ZNF385D: variants seen among roughly 807,000 people sequenced by gnomAD.
The protein encoded by ZNF385D is zinc finger protein 659.
Under a neutral mutation model 35.8 loss-of-function variants are expected in ZNF385D, and 15 were observed. That is an observed-to-expected ratio of 0.42 (90% CI 0.28 to 0.64). The LOEUF is 0.64. ZNF385D is among the 30% of genes least tolerant of loss of function. The pLI, the probability that ZNF385D is intolerant of heterozygous loss-of-function variation, is 0.23. For synonymous variants in ZNF385D, 212 were observed against 186.8 expected (o/e 1.13, Z -1.10); for missense variants, 474 against 494.6 (o/e 0.96, Z 0.39).
chr3:21,850,605 A>G (rs146697987), intron 3 of ZNF385D, among the ~76,000 whole-genome samples: 9 of 152,134 alleles, frequency 5.9e-5, no homozygotes, highest in African/African-American at 2.2e-4. Flanking sequence ...CCAAGCCAGA[A>G]AAGATCAATT....
At chr3:22,136,272 C>A (rs141485647) in intron 3 of ZNF385D, among the ~76,000 whole-genome samples, 1 of 152,118 alleles carries the variant, frequency 6.6e-6, no homozygotes, top group Non-Finnish European at 1.5e-5. Context: ...CCTGTAGTCC[C>A]AGCTACTCGG....
At chr3:22,272,359 T>C (rs528896441) in intron 2 of ZNF385D, among the ~76,000 whole-genome samples, 1 of 152,116 alleles carries the variant, frequency 6.6e-6, no homozygotes, top group East Asian at 1.9e-4. Flanking sequence ...TTCTAAATTC[T>C]AAACTTAGAA....
chr3:22,159,279 A>C (rs1473279320), intron 3 of ZNF385D, among the ~76,000 whole-genome samples: 2 of 152,130 alleles, frequency 1.3e-5, no homozygotes, highest in Non-Finnish European at 2.9e-5. Flanking sequence ...TATCTCAAAT[A>C]GATTATATTT....
chr3:22,137,333 C>A (rs1367881445), intron 3 of ZNF385D, among the ~76,000 whole-genome samples: 1 of 152,120 alleles, frequency 6.6e-6, no homozygotes, highest in East Asian at 1.9e-4. Context: ...AGGCCAGCAT[C>A]ATCCTGATAC....
chr3:22,286,757 C>T (rs1247136751), intron 2 of ZNF385D, among the ~76,000 whole-genome samples: 1 of 152,080 alleles, frequency 6.6e-6, no homozygotes, highest in East Asian at 1.9e-4. Flanking sequence ...AAAGATACTT[C>T]ACAAAGAAAT....
intron 3 of ZNF385D, among the ~76,000 whole-genome samples, chr3:21,760,170 T>C (rs577872919): frequency 6.6e-6 from 1 of 152,338 alleles, no homozygotes; most frequent in South Asian, 2.1e-4. Context: ...TCTGATCCTT[T>C]TGGTGGATAA....
At chr3:21,786,987 T>C (rs982162797) in intron 3 of ZNF385D, among the ~76,000 whole-genome samples, 2 of 152,340 alleles carry the variant, frequency 1.3e-5, no homozygotes, top group African/African-American at 4.8e-5. Context: ...CACGTGTTTA[T>C]CTTCATTCTT....
intron 3 of ZNF385D, among the ~76,000 whole-genome samples, chr3:21,555,663 G>A (rs756501912): frequency 2.0e-5 from 3 of 152,084 alleles, no homozygotes; most frequent in Non-Finnish European, 2.9e-5. Context: ...GAATAGTGCC[G>A]CAGTAAACAT....
At chr3:21,596,907 A>G (rs2064143910) in intron 2 of ZNF385D, among the ~76,000 whole-genome samples, 1 of 152,146 alleles carries the variant, frequency 6.6e-6, no homozygotes, top group Non-Finnish European at 1.5e-5. Flanking sequence ...GGTCTTCATG[A>G]CATTCCTTGG....
At chr3:22,225,789 A>G (rs1027378396) in intron 2 of ZNF385D, among the ~76,000 whole-genome samples, 4 of 152,152 alleles carry the variant, frequency 2.6e-5, no homozygotes, top group African/African-American at 9.7e-5. Context: ...AAATTTTTAC[A>G]CTCATCTCAG....
At chr3:22,030,869 G>C (rs116316281) in intron 3 of ZNF385D, among the ~76,000 whole-genome samples, 1 of 152,164 alleles carries the variant, frequency 6.6e-6, no homozygotes, top group Non-Finnish European at 1.5e-5. Context: ...AAACAAGTTA[G>C]TTATTTCCAA....
intron 3 of ZNF385D, among the ~76,000 whole-genome samples, chr3:21,871,918 A>C (rs2125848101): frequency 6.6e-6 from 1 of 152,010 alleles, no homozygotes; most frequent in Admixed American, 6.6e-5. Context: ...AATCACTTGA[A>C]CCCAGGAGGT....
intron 3 of ZNF385D, among the ~76,000 whole-genome samples, chr3:21,552,492 G>A (rs1044947307): frequency 6.6e-6 from 1 of 152,086 alleles, no homozygotes; most frequent in Non-Finnish European, 1.5e-5. Context: ...TGATTGTTTG[G>A]TTTGTAAAAC....
At chr3:21,636,303 GAGATATATAGATAT>G (rs1187868775) in intron 2 of ZNF385D, among the ~76,000 whole-genome samples, 92 of 142,746 alleles carry the variant, frequency 6.4e-4, no homozygotes, top group Non-Finnish European at 1.1e-3. Context: ...GAGCTAATAG[GAGATATATAGATAT>G]AGATATATAG....
intron 3 of ZNF385D, among the ~76,000 whole-genome samples, chr3:22,031,600 T>G (rs572659497): frequency 1.2e-4 from 19 of 152,202 alleles, no homozygotes; most frequent in Non-Finnish European, 2.6e-4. Flanking sequence ...GGACTGGGCC[T>G]ACAAAACCAT....
chr3:22,219,050 C>A (rs532554154), intron 2 of ZNF385D, among the ~76,000 whole-genome samples: 6 of 152,106 alleles, frequency 3.9e-5, no homozygotes, highest in Admixed American at 2.0e-4. Context: ...AAAGCTTAAA[C>A]TACAAAGAAG....
At chr3:21,817,070 A>G (rs2125722165) in intron 3 of ZNF385D, among the ~76,000 whole-genome samples, 1 of 152,340 alleles carries the variant, frequency 6.6e-6, no homozygotes, top group African/African-American at 2.4e-5. Context: ...CCTGACAAAA[A>G]CAAGAAATGG....
At chr3:21,847,024 G>C (rs1223306471) in intron 3 of ZNF385D, among the ~76,000 whole-genome samples, 1 of 152,004 alleles carries the variant, frequency 6.6e-6, no homozygotes, top group Non-Finnish European at 1.5e-5. Context: ...GCCCCAACCA[G>C]GTACTTTTGT....
At chr3:22,148,694 G>A (rs187362243) in intron 3 of ZNF385D, among the ~76,000 whole-genome samples, 1 of 152,202 alleles carries the variant, frequency 6.6e-6, no homozygotes, top group Non-Finnish European at 1.5e-5. Context: ...GTCGTAATTA[G>A]TATGGCTTAT....
Sources: allele counts gnomAD v4.1 joint callset (sites outside exome capture counted in the v4.1 genomes callset), GRCh38; gene constraint gnomAD v4.1.1; transcripts MANE v1.5; gene names NCBI Gene and HGNC (gene_info 2026-07-23, HGNC 2026-07-21).